Variants in RMST observed in about 807,000 individuals in gnomAD.
RMST encodes rhabdomyosarcoma 2 associated transcript, also known as long intergenic non-protein coding RNA 54.
chr12:97,470,891 C>A (rs1413912588), intron 5 of RMST, among the ~76,000 whole-genome samples: 2 of 152,074 alleles, frequency 1.3e-5, no homozygotes, highest in African/African-American at 2.4e-5. Context: ...TTAGCTAATA[C>A]CTCATGTTGG....
At chr12:97,482,634 AATTTATTTATT>A (rs1425205565) in intron 5 of RMST, among the ~76,000 whole-genome samples, 1 of 143,032 alleles carries the variant, frequency 7.0e-6, no homozygotes, top group Non-Finnish European at 1.5e-5. Context: ...TTTAATATTT[AATTTATTTATT>A]ATTTATTTAA....
At chr12:97,544,567 T>C (rs1882795950) in intron 11 of RMST, among the ~76,000 whole-genome samples, 1 of 152,064 alleles carries the variant, frequency 6.6e-6, no homozygotes, top group African/African-American at 2.4e-5. Context: ...ACTGGGGGAA[T>C]CGAGTTCCAT....
chr12:97,547,987 G>A (rs1053900332), intron 11 of RMST, among the ~76,000 whole-genome samples: 1 of 151,908 alleles, frequency 6.6e-6, no homozygotes, highest in African/African-American at 2.4e-5. Flanking sequence ...ATGTCATGGA[G>A]CTTTTCCCTT....
chr12:97,532,946 A>T (rs1025281224), intron 11 of RMST: 1 of 151,826 alleles, frequency 6.6e-6, no homozygotes, highest in Non-Finnish European at 1.5e-5. Flanking sequence ...ATTCTGCTCA[A>T]TTTAAATGCA....
intron 10 of RMST, among the ~76,000 whole-genome samples, chr12:97,518,014 A>G (rs368647677): frequency 4.8e-4 from 73 of 152,128 alleles, no homozygotes; most frequent in Non-Finnish European, 8.4e-4. Context: ...TTCAGTATTT[A>G]TGGATGATTT....
At chr12:97,530,661 A>T (rs1881545095) in exon 11 of RMST, 1 of 152,056 alleles carries the variant, frequency 6.6e-6, no homozygotes, top group Non-Finnish European at 1.5e-5. Context: ...GCAGTGGGTG[A>T]CTGATCGTAC....
intron 11 of RMST, among the ~76,000 whole-genome samples, chr12:97,546,804 G>A (rs1882969583): frequency 6.6e-6 from 1 of 151,892 alleles, no homozygotes; most frequent in African/African-American, 2.4e-5. Flanking sequence ...TATCTTTTTT[G>A]TATGTGATGA....
At chr12:97,489,615 C>A (rs1174868402) in intron 5 of RMST, among the ~76,000 whole-genome samples, 1 of 152,134 alleles carries the variant, frequency 6.6e-6, no homozygotes, top group African/African-American at 2.4e-5. Flanking sequence ...ATTTTTAAAT[C>A]CAAATTGTCC....
chr12:97,522,418 G>T (rs1424547393), intron 10 of RMST, among the ~76,000 whole-genome samples: 1 of 152,114 alleles, frequency 6.6e-6, no homozygotes, highest in Non-Finnish European at 1.5e-5. Flanking sequence ...AAACACATAG[G>T]CCGTGTGGGT....
intron 10 of RMST, among the ~76,000 whole-genome samples, chr12:97,528,888 T>C (rs1038263712): frequency 1.3e-5 from 2 of 152,090 alleles, no homozygotes; most frequent in African/African-American, 4.8e-5. Context: ...TATTTCCAAA[T>C]AGGGCATCAC....
chr12:97,505,300 T>C (rs1043031733), intron 10 of RMST, among the ~76,000 whole-genome samples: 1 of 152,250 alleles, frequency 6.6e-6, no homozygotes, highest in Non-Finnish European at 1.5e-5. Context: ...CAATCAGTGA[T>C]GAATGCCAGT....
intron 11 of RMST, among the ~76,000 whole-genome samples, chr12:97,551,632 G>T (rs926108438): frequency 1.3e-5 from 2 of 151,986 alleles, no homozygotes; most frequent in African/African-American, 4.8e-5. Context: ...TTTCTTTTGG[G>T]GATAAGCCTT....
intron 11 of RMST, among the ~76,000 whole-genome samples, chr12:97,559,384 C>T (rs1883949118): frequency 6.6e-6 from 1 of 152,146 alleles, no homozygotes; most frequent in East Asian, 1.9e-4. Context: ...AGTAGTGGGG[C>T]ACCAGCCTGT....
intron 8 of RMST, among the ~76,000 whole-genome samples, chr12:97,494,432 C>T (rs1414694488): frequency 6.6e-6 from 1 of 152,076 alleles, no homozygotes; most frequent in Non-Finnish European, 1.5e-5. Context: ...CACCTGTAAA[C>T]CCAGCTACTT....
At chr12:97,550,383 ACT>A (rs1300166419) in intron 11 of RMST, among the ~76,000 whole-genome samples, 6 of 152,086 alleles carry the variant, frequency 3.9e-5, no homozygotes, top group African/African-American at 1.4e-4. Context: ...CAAGACTGAA[ACT>A]CTGTCTCAAA....
At chr12:97,477,840 A>G (rs905861363) in intron 5 of RMST, among the ~76,000 whole-genome samples, 8 of 152,212 alleles carry the variant, frequency 5.3e-5, no homozygotes, top group Non-Finnish European at 2.9e-5. Context: ...GCACTTTTTA[A>G]TTGTGTAGTT....
intron 10 of RMST, among the ~76,000 whole-genome samples, chr12:97,511,081 G>A (rs893896435): frequency 2.6e-5 from 4 of 151,688 alleles, no homozygotes; most frequent in Non-Finnish European, 5.9e-5. Context: ...GAGCAGAGGA[G>A]GGAAATTACT....
intron 5 of RMST, among the ~76,000 whole-genome samples, chr12:97,486,750 G>C (rs966125018): frequency 6.6e-6 from 1 of 152,144 alleles, no homozygotes; most frequent in African/African-American, 2.4e-5. Flanking sequence ...ATTTGAATGA[G>C]TGGTCCCAGA....
chr12:97,544,480 CAG>C (rs796247994), intron 11 of RMST, among the ~76,000 whole-genome samples: 4 of 152,038 alleles, frequency 2.6e-5, no homozygotes, highest in African/African-American at 7.2e-5. Flanking sequence ...CATAGGTAAT[CAG>C]AGAGTGGACA....
Sources: allele counts gnomAD v4.1 joint callset (sites outside exome capture counted in the v4.1 genomes callset), GRCh38; gene constraint gnomAD v4.1.1; transcripts MANE v1.5; gene names NCBI Gene and HGNC (gene_info 2026-07-23, HGNC 2026-07-21).